The following IL18R1 variants were observed in gnomAD, a reference collection of about 807,000 sequenced individuals.
The protein encoded by IL18R1 is interleukin 18 receptor 1.
A neutral mutation model predicts 48.5 loss-of-function variants in IL18R1; 40 were observed. That is an observed-to-expected ratio of 0.82 (90% confidence interval 0.64 to 1.07). The LOEUF is 1.07. Ranked by LOEUF, IL18R1 falls within the 50% of genes least tolerant of loss-of-function variation. The probability of loss-of-function intolerance (pLI) is 0.00; values close to 1 mark genes in which losing one functional copy is unlikely to be tolerated. For missense variants in IL18R1, 596 were observed against 633.7 expected, an observed-to-expected ratio of 0.94 and a Z score of 0.64; for synonymous variants, 232 against 225.9, an observed-to-expected ratio of 1.03 and a Z score of -0.24.
intron 5 of IL18R1, among the ~76,000 whole-genome samples, chr2:102,377,574 C>T (rs968162240): frequency 6.6e-6 from 1 of 152,346 alleles, no homozygotes; most frequent in Non-Finnish European, 1.5e-5. Flanking sequence ...CCTTGGTCTC[C>T]CAAAGTACTG....
At chr2:102,386,832 T>C in intron 7 of IL18R1, 29 bp from the exon 8 acceptor site, 2 of 1,612,478 alleles carry the variant, frequency 1.2e-6, no homozygotes, top group Non-Finnish European at 1.7e-6. Context: ...GAACAGAGCC[T>C]ACTGCTAAAT....
Position 102,372,114 on chromosome 2 carries a change from A to G in IL18R1, c.464A>G (p.Tyr155Cys), listed in dbSNP as rs776004141. 5 of 1,584,272 alleles carry G rather than the reference A, an allele frequency of 3.2e-6. No homozygotes were observed. The South Asian group carries it at 5.9e-5, about 19-fold the overall frequency. The change falls in exon 4 of 11, where the codon TAT (tyrosine) becomes TGT (cysteine). Residue 155 changes from tyrosine (Y) to cysteine (C), a missense_variant. Physicochemically the swap from Tyr to Cys is radical, Grantham distance 194 (BLOSUM62 -2). Around this residue, in one of 3 missense-constraint regions of IL18R1, gnomAD observed 360 missense variants for 339.4 expected, o/e 1.06. Coordinates refer to ENST00000233957, the MANE Select transcript of IL18R1 (RefSeq NM_003855.5). ...ACACTGGTCAACAGCACATCATTGTATAAGGTAATGCTTTTATAATATTTT... is the reference window on the plus strand; with the variant it reads ...ACACTGGTCAACAGCACATCATTGTGTAAGGTAATGCTTTTATAATATTTT... Reference protein sequence around the residue: ...YQTLVNSTSLYKNCKKLLLEN... With the variant: ...YQTLVNSTSLCKNCKKLLLEN...
In IL18R1 at chr2:102,379,310, G is replaced by C. The variant is rs201232205; in HGVS notation, c.626-2310G>C. ...AACAGAAAAATTAGCTGGGCTTGGT[G>C]GTGGGCACCTGTAATCCCAGCTACT... is the stretch of plus-strand genomic sequence containing the variant. On this transcript the variant is annotated intron_variant, in intron 5 of 10. Transcript: ENST00000233957. Among the ~76,000 whole-genome samples, 14 of 152,140 alleles carry C rather than the reference G, an allele frequency of 9.2e-5. No individual in the cohort carries two copies. In the East Asian group the frequency reaches 1.7e-3, roughly 19 times the overall value.
rs1680899995 is a variant in IL18R1 at position 102,397,800 on chromosome 2, G to C, written c.*914G>C. 6.6e-6 allele frequency: 1 copy of C among 152,326 alleles called. No homozygotes were observed. Among genetic ancestry groups the C allele is most frequent in the Non-Finnish European group, 1.5e-5 (1 of 68,032 alleles). The allele number at this position is 152,326 out of a possible 1,614,324, so 9.4% of individuals were successfully genotyped here. On this transcript the variant is annotated 3_prime_UTR_variant, in exon 11 of 11. Transcript: ENST00000233957. ...TGGCAGTTAAGAGATGGGCTGTGCA[G>C]CCCATCCTGAGCTCCAGTCCTGAGT...
At chr2:102,387,095 A>C in intron 8 of IL18R1, 95 bp downstream of exon 8, 1 of 1,327,936 alleles carries the variant, frequency 7.5e-7, no homozygotes, top group Non-Finnish European at 1.1e-6. Flanking sequence ...CCACACCAGA[A>C]CCCAGCTCCT....
chr2:102,366,431 A>C (rs1280037294), intron 2 of IL18R1, among the ~76,000 whole-genome samples: 2 of 152,212 alleles, frequency 1.3e-5, no homozygotes, highest in Non-Finnish European at 2.9e-5. Flanking sequence ...CCATTTAACA[A>C]GTCTTTAGGA....
At chr2:102,362,117 T>G (rs959587520) in intron 1 of IL18R1, among the ~76,000 whole-genome samples, 4 of 152,180 alleles carry the variant, frequency 2.6e-5, no homozygotes, top group Non-Finnish European at 4.4e-5. Context: ...ACTTAGTGCC[T>G]AGAATTATGA....
At chr2:102,393,242 G>A (rs1680643908) in intron 9 of IL18R1, among the ~76,000 whole-genome samples, 1 of 142,348 alleles carries the variant, frequency 7.0e-6, no homozygotes, top group Non-Finnish European at 1.5e-5. Context: ...AGTTATATTT[G>A]ATAGCAGTTT....
In IL18R1 at chr2:102,390,195, G is replaced by A. The variant is rs371019881; in HGVS notation, c.1089G>A (p.Thr363=). The A allele has an allele frequency of 8.1e-6, 13 of 1,613,794 alleles. No homozygotes were observed. The African/African-American group carries it at 1.1e-4, about 13-fold the overall frequency. The change falls in exon 9 of 11, where the codon ACG becomes ACA. Residue 363 remains threonine, a synonymous_variant. Transcript: ENST00000233957. ...VDLVLFYRHL[T]RRDETLTDGK... ...TGGTTCTATTTTATAGACATTTAAC[G>A]AGAAGAGATGAAACATTAACAGGTA... is the stretch of plus-strand genomic sequence containing the variant.
At chr2:102,365,731 C>T (rs1186286135) in intron 2 of IL18R1, among the ~76,000 whole-genome samples, 1 of 152,210 alleles carries the variant, frequency 6.6e-6, no homozygotes, top group Non-Finnish European at 1.5e-5. Context: ...CCAGCATTTC[C>T]ATACATCCTC....
At chr2:102,364,444 G>A (rs1678766070) in intron 2 of IL18R1, among the ~76,000 whole-genome samples, 4 of 152,180 alleles carry the variant, frequency 2.6e-5, no homozygotes, top group African/African-American at 9.7e-5. Flanking sequence ...TATAGCCTAT[G>A]CATTTTATTA....
At chr2:102,357,739 A>C (rs566461034) in intron 1 of IL18R1, among the ~76,000 whole-genome samples, 1 of 152,262 alleles carries the variant, frequency 6.6e-6, no homozygotes, top group East Asian at 1.9e-4. Context: ...CAGGTAGCAC[A>C]GGCATAGGCA....
rs535040236 is a variant in IL18R1 at position 102,374,692 on chromosome 2, C to A, written c.469-1215C>A. On this transcript the variant is annotated intron_variant, in intron 4 of 10. Transcript: ENST00000233957. ...GCTCGGGAGGCTGAGGAAGGAGAAT[C>A]ACTTGAACCCGGGAGGCAGAGGTTG... is the stretch of plus-strand genomic sequence containing the variant. Among the ~76,000 whole-genome samples the A allele has an allele frequency of 1.6e-4, 24 of 151,930 alleles. No individual in the cohort carries two copies. In the East Asian group the frequency reaches 4.3e-3, roughly 27 times the overall value.
Position 102,393,651 on chromosome 2 carries a change from C to T in IL18R1, c.1112-818C>T, listed in dbSNP as rs1469847904. Among the ~76,000 whole-genome samples the T allele has an allele frequency of 3.3e-5, 5 of 152,260 alleles. No individual in the cohort carries two copies. The South Asian group carries it at 6.2e-4, about 19-fold the overall frequency. On this transcript the variant is annotated intron_variant, in intron 9 of 10. Transcript: ENST00000233957. ...AACTCAGTAGCAAATTCATTAATCC[C>T]AACAATATGCCATGCATAAATCTTA...
At chr2:102,381,720 A>G (rs772014475) in intron 6 of IL18R1, 38 bp downstream of exon 6, 4 of 1,379,262 alleles carry the variant, frequency 2.9e-6, no homozygotes, top group Non-Finnish European at 3.1e-6. Flanking sequence ...ATTTATAAGT[A>G]GGGGACATAA....
chr2:102,363,957 T>C (rs1242285594), intron 2 of IL18R1, among the ~76,000 whole-genome samples: 1 of 152,204 alleles, frequency 6.6e-6, no homozygotes, highest in East Asian at 1.9e-4. Flanking sequence ...AAACCTTGAA[T>C]TCCACTTATT....
chr2:102,391,384 T>C (rs1406754147), intron 9 of IL18R1, among the ~76,000 whole-genome samples: 1 of 152,202 alleles, frequency 6.6e-6, no homozygotes. Flanking sequence ...TTTGCTCTCT[T>C]ATACCTTAGA....
rs1680858982 is a variant in IL18R1 at position 102,396,939 on chromosome 2, C to T, written c.*53C>T. The T allele has an allele frequency of 2.8e-6, 3 of 1,058,750 alleles. No individual in the cohort carries two copies. The highest frequency in any genetic ancestry group is 2.4e-5 in the Admixed American group (1 of 41,262). The allele number at this position is 1,058,750 out of a possible 1,614,324, so 65.6% of individuals were successfully genotyped here. On this transcript the variant is annotated 3_prime_UTR_variant, in exon 11 of 11. Transcript: ENST00000233957. ...AACTCAAGATATTCTGGGGACTGAG[C>T]ATATGAACCTGTTCATAACAAAGGC...
chr2:102,387,711 G>T (rs915923466), intron 8 of IL18R1, among the ~76,000 whole-genome samples: 1 of 152,076 alleles, frequency 6.6e-6, no homozygotes, highest in Admixed American at 6.6e-5. Flanking sequence ...TGTAGAGAAA[G>T]GTCAAGATCT....
Sources: allele counts gnomAD v4.1 joint callset (sites outside exome capture counted in the v4.1 genomes callset), GRCh38; gene constraint gnomAD v4.1.1; regional missense constraint gnomAD v4.1.1; transcripts MANE v1.5; gene names NCBI Gene and HGNC (gene_info 2026-07-23, HGNC 2026-07-21).